The following CA5A variants were observed in gnomAD, a reference collection of about 807,000 sequenced individuals.
CA5A encodes carbonic anhydrase 5A, mitochondrial.
A neutral mutation model predicts 37.1 loss-of-function variants in CA5A; 28 were observed. The observed-to-expected ratio is 0.75, with a 90% CI of 0.56 to 1.03. The LOEUF (loss-of-function observed/expected upper bound fraction) is 1.03. CA5A is among the 50% of genes least tolerant of loss of function. The pLI, the probability that CA5A is intolerant of heterozygous loss-of-function variation, is 0.00. For synonymous variants in CA5A, 171 were observed against 158.4 expected (o/e 1.08, Z -0.60); for missense variants, 444 against 399.9 (o/e 1.11, Z -0.94).
chr16:87,927,979 A>G (rs985175687), intron 1 of CA5A, among the ~76,000 whole-genome samples: 4 of 152,126 alleles, frequency 2.6e-5, no homozygotes, highest in African/African-American at 9.7e-5. Context: ...GCTAAGAGAA[A>G]GCTGGATCTT....
chr16:87,924,058 G>C (rs1780369245), intron 2 of CA5A: 3 of 985,432 alleles, frequency 3.0e-6, no homozygotes, highest in Non-Finnish European at 1.2e-6. Flanking sequence ...AAAACCATTG[G>C]CAACTGAATA....
At chr16:87,921,652 C>G (rs1185402340) in intron 2 of CA5A, among the ~76,000 whole-genome samples, 1 of 152,080 alleles carries the variant, frequency 6.6e-6, no homozygotes, top group Non-Finnish European at 1.5e-5. Context: ...GGGATGGGCT[C>G]GCTCCCAAGG....
rs188955357 is a variant in CA5A at position 87,933,886 on chromosome 16, T to C, written c.142+2423A>G. Among the ~76,000 whole-genome samples, 825 of 152,308 alleles carry C rather than the reference T, an allele frequency of 5.4e-3. 9 individuals carry two copies. Among genetic ancestry groups the C allele is most frequent in the African/African-American group, 0.019 (785 of 41,570 alleles). ...TTCTCTGCTTGGCAGAATATTCTGC[T>C]CTTTGTGGAACTCTGAAATGATTTG... On this transcript the variant is annotated intron_variant, in intron 1 of 6. Transcript: ENST00000649794.
At chr16:87,916,142 T>A (rs2056139278) in intron 2 of CA5A, among the ~76,000 whole-genome samples, 1 of 139,220 alleles carries the variant, frequency 7.2e-6, no homozygotes, top group African/African-American at 3.0e-5. Context: ...CACTCCAGCC[T>A]GGGTGACAGA....
chr16:87,926,792 C>A lies in CA5A; in HGVS notation c.296G>T (p.Gly99Val). 1.2e-6 allele frequency: 2 copies of A among 1,614,136 alleles called. No homozygotes were observed. The highest frequency in any genetic ancestry group is 1.7e-6 in the Non-Finnish European group (2 of 1,179,982). The stretch of plus-strand genomic sequence containing the variant: ...GTCAAATTCCACCTGGAAGAGGTAG[C>A]CAGTGTTCCAGATGTACAGGCAGGA... ...AASCLYIWNTGYLFQVEFDDA... is the reference protein window; with the variant it reads ...AASCLYIWNTVYLFQVEFDDA... Residue 99 changes from glycine (G) to valine (V), a missense_variant, in exon 2 of 7, where the codon GGC (glycine) becomes GTC (valine). Gly to Val is a moderately radical substitution (Grantham distance 109). Transcript: ENST00000649794.
At chr16:87,925,078 T>C (rs1384819019) in intron 2 of CA5A, among the ~76,000 whole-genome samples, 4 of 152,158 alleles carry the variant, frequency 2.6e-5, no homozygotes, top group Non-Finnish European at 5.9e-5. Context: ...CGGAGTTACA[T>C]CCTCATGGGA....
At chr16:87,908,992 T>C (rs1291420088) in intron 2 of CA5A, among the ~76,000 whole-genome samples, 2 of 149,088 alleles carry the variant, frequency 1.3e-5, no homozygotes, top group Admixed American at 6.7e-5. Flanking sequence ...CCCGGCTATT[T>C]TTTTTTTTTT....
downstream of CA5A, chr16:87,886,652 G>C (rs2055650595): frequency 6.6e-6 from 1 of 152,028 alleles, no homozygotes. Flanking sequence ...AGGAGTTCAG[G>C]ACCAACCTGG....
intron 2 of CA5A, among the ~76,000 whole-genome samples, chr16:87,921,581 C>G (rs1382168977): frequency 6.6e-6 from 1 of 151,338 alleles, no homozygotes; most frequent in Non-Finnish European, 1.5e-5. Context: ...CAGGGCTGTT[C>G]TGAGTGGCCA....
chr16:87,932,803 T>C (rs2056425341), intron 1 of CA5A, among the ~76,000 whole-genome samples: 1 of 152,118 alleles, frequency 6.6e-6, no homozygotes, highest in Non-Finnish European at 1.5e-5. Flanking sequence ...GGTTTGATGG[T>C]GGTTCAGCAA....
chr16:87,897,235 G>A (rs900738555), intron 5 of CA5A, among the ~76,000 whole-genome samples: 13 of 152,264 alleles, frequency 8.5e-5, no homozygotes, highest in African/African-American at 2.9e-4. Context: ...CCAATTCCCC[G>A]GTAGCTCTGA....
intron 2 of CA5A, among the ~76,000 whole-genome samples, chr16:87,907,573 T>G (rs1597561593): frequency 6.6e-6 from 1 of 152,236 alleles, no homozygotes; most frequent in Non-Finnish European, 1.5e-5. Context: ...GGACCCAGCC[T>G]GGTAGATGCC....
At chr16:87,913,688 TCAG>T (rs2056086101) in intron 2 of CA5A, among the ~76,000 whole-genome samples, 1 of 133,812 alleles carries the variant, frequency 7.5e-6, no homozygotes, top group Non-Finnish European at 1.6e-5. Context: ...GAGCCCACAC[TCAG>T]CTTCCCTCCC....
At chr16:87,902,696 G>A (rs1222745504) in intron 3 of CA5A, among the ~76,000 whole-genome samples, 176 bp from the exon 4 acceptor site, 1 of 151,840 alleles carries the variant, frequency 6.6e-6, no homozygotes, top group Non-Finnish European at 1.5e-5. Flanking sequence ...CACGAGGTCA[G>A]GAGATCGAGA....
intron 5 of CA5A, among the ~76,000 whole-genome samples, chr16:87,894,586 A>C (rs80219445): frequency 1.3e-5 from 2 of 150,128 alleles, no homozygotes; most frequent in African/African-American, 4.9e-5. Context: ...AAAAAAAAAA[A>C]CAGCATTATA....
intron 6 of CA5A, among the ~76,000 whole-genome samples, chr16:87,890,402 C>T (rs201321022): frequency 1.4e-4 from 21 of 152,186 alleles, no homozygotes; most frequent in East Asian, 1.2e-3. Flanking sequence ...TTCACAGGCC[C>T]GGGAGACTGA....
At chr16:87,886,752 C>G (rs2055651653), downstream of CA5A, 1 of 152,142 alleles carries the variant, frequency 6.6e-6, no homozygotes, top group African/African-American at 2.4e-5. Context: ...TGATCCAAAA[C>G]TATTCACAGA....
chr16:87,917,606 C>A (rs7499226), intron 2 of CA5A, among the ~76,000 whole-genome samples: 103,367 of 151,624 alleles, frequency 0.68, 36,846 homozygotes, highest in African/African-American at 0.89. Flanking sequence ...ATGCACACAC[C>A]ACACATGTGC....
At chr16:87,889,967 G>A (rs937490147) in intron 6 of CA5A, among the ~76,000 whole-genome samples, 3 of 152,172 alleles carry the variant, frequency 2.0e-5, no homozygotes, top group Non-Finnish European at 4.4e-5. Context: ...AGAGTTGCGC[G>A]CATGGTGCAC....
Sources: allele counts gnomAD v4.1 joint callset (sites outside exome capture counted in the v4.1 genomes callset), GRCh38; gene constraint gnomAD v4.1.1; transcripts MANE v1.5; gene names NCBI Gene and HGNC (gene_info 2026-07-23, HGNC 2026-07-21).